The following RANGAP1 variants were observed in gnomAD, a reference collection of about 807,000 sequenced individuals.
The protein encoded by RANGAP1 is ran GTPase-activating protein 1.
A neutral mutation model predicts 63.5 loss-of-function variants in RANGAP1; 38 were observed. The observed-to-expected ratio is 0.60, with a 90% CI of 0.46 to 0.78. The LOEUF (loss-of-function observed/expected upper bound fraction) is 0.78, where lower values mean the gene tolerates loss of function less well. Among genes scored for constraint, RANGAP1 ranks in the 30% least tolerant of loss-of-function variants. The pLI, the probability that RANGAP1 is intolerant of heterozygous loss-of-function variation, is 0.00. For missense variants in RANGAP1, 630 were observed against 740.3 expected, an observed-to-expected ratio of 0.85 and a Z score of 1.73; for synonymous variants, 329 against 310.5, an observed-to-expected ratio of 1.06 and a Z score of -0.63.
chr22:41,284,919 G>C (rs899459688), intron 1 of RANGAP1: 1 of 152,188 alleles, frequency 6.6e-6, no homozygotes, highest in African/African-American at 2.4e-5. Flanking sequence ...CCAACATTTT[G>C]GGAGGCTAGG....
At chr22:41,296,448 A>G in the RANGAP1 span, among the ~76,000 whole-genome samples, 1 of 152,048 alleles carries the variant, frequency 6.6e-6, no homozygotes, top group African/African-American at 2.4e-5. Flanking sequence ...GGAGTTCAAG[A>G]CCAGTCTGGC....
In RANGAP1 at chr22:41,247,559, C is replaced by T. The variant is rs555744248; in HGVS notation, c.1695-887G>A. Among the ~76,000 whole-genome samples the T allele has an allele frequency of 2.6e-5, 4 of 152,296 alleles. No homozygotes were observed. In the South Asian group the frequency reaches 8.3e-4, roughly 32 times the overall value. On this transcript the variant is annotated intron_variant, in intron 15 of 15. Coordinates refer to ENST00000356244, the MANE Select transcript of RANGAP1 (RefSeq NM_002883.4). Reference sequence around the variant, plus strand: ...AGAGATGGGGTTTCACGAATGTTGCCCAGGCTGGCCTTGAACTCCCGGGCT... The same window carrying T: ...AGAGATGGGGTTTCACGAATGTTGCTCAGGCTGGCCTTGAACTCCCGGGCT...
At chr22:41,289,063 C>CA (rs1335767762), upstream of RANGAP1, among the ~76,000 whole-genome samples, 1 of 151,386 alleles carries the variant, frequency 6.6e-6, no homozygotes, top group Non-Finnish European at 1.5e-5. Flanking sequence ...GCTGGGACTA[C>CA]AGGTGCACGC....
At chr22:41,300,043 G>A in the RANGAP1 span, among the ~76,000 whole-genome samples, 1 of 151,348 alleles carries the variant, frequency 6.6e-6, no homozygotes, top group South Asian at 2.1e-4. Flanking sequence ...GAGCTACCGC[G>A]CCCGGCCTCC....
At chr22:41,299,668 G>T in the RANGAP1 span, among the ~76,000 whole-genome samples, 2 of 152,282 alleles carry the variant, frequency 1.3e-5, no homozygotes, top group South Asian at 4.1e-4. Context: ...TTAACATGGG[G>T]ACATAGAGCA....
intron 15 of RANGAP1, 126 bp from the exon 16 acceptor site, chr22:41,246,798 G>GC (rs1325337732): frequency 3.8e-5 from 34 of 893,958 alleles, no homozygotes; most frequent in Middle Eastern, 4.5e-4. Flanking sequence ...AGAGACATTA[G>GC]CCCTCTGCCT....
At chr22:41,265,929 G>A (rs1017056460) in intron 4 of RANGAP1, among the ~76,000 whole-genome samples, 8 of 151,476 alleles carry the variant, frequency 5.3e-5, no homozygotes, top group African/African-American at 7.3e-5. Context: ...GTGGCTGGGT[G>A]CGGTGGCTCA....
At chr22:41,249,864 G>T in intron 13 of RANGAP1, 47 bp from the exon 14 acceptor site, 1 of 1,552,490 alleles carries the variant, frequency 6.4e-7, no homozygotes, top group East Asian at 2.2e-5. Flanking sequence ...ATGGCAGAGG[G>T]CTGGGCCAAG....
intron 11 of RANGAP1, 39 bp from the exon 12 acceptor site, chr22:41,253,030 A>C: frequency 7.2e-7 from 1 of 1,393,496 alleles, no homozygotes. Flanking sequence ...AGAATTCCGG[A>C]CCCCAGACTC....
At chr22:41,292,841 C>T in the RANGAP1 span, among the ~76,000 whole-genome samples, 11 of 152,152 alleles carry the variant, frequency 7.2e-5, no homozygotes, top group South Asian at 1.9e-3. Flanking sequence ...CAGTGGCTCA[C>T]GCCTGTATTC....
chr22:41,279,016 G>A (rs754900106), intron 2 of RANGAP1, among the ~76,000 whole-genome samples: 9 of 152,180 alleles, frequency 5.9e-5, no homozygotes, highest in African/African-American at 1.9e-4. Context: ...GGTGGCGGGC[G>A]CCTGTAGTCC....
At chr22:41,250,481 A>C (rs563401141) in intron 13 of RANGAP1, among the ~76,000 whole-genome samples, 1 of 152,312 alleles carries the variant, frequency 6.6e-6, no homozygotes, top group Admixed American at 6.5e-5. Context: ...AAGCACATGG[A>C]AACAGGGTGG....
chr22:41,298,125 T>A, the RANGAP1 span, among the ~76,000 whole-genome samples: 8 of 151,978 alleles, frequency 5.3e-5, no homozygotes, highest in Non-Finnish European at 8.8e-5. Flanking sequence ...CCCAAAGTGC[T>A]GGGATTACAG....
rs929470579 is a variant in RANGAP1, at chr22:41,257,393, C to T, written c.774+555G>A. On this transcript the variant is annotated intron_variant, in intron 7 of 15. Coordinates refer to ENST00000356244, the MANE Select transcript of RANGAP1 (RefSeq NM_002883.4). The surrounding 1 kb of genome is among the most constrained non-coding windows in gnomAD (Gnocchi z 4.0). ...GCTAGGGTCTCCCTGAAGGCGGGGTCTTTGGCTCAACCCCATGTGGCCTGC... is the reference window on the plus strand; with the variant it reads ...GCTAGGGTCTCCCTGAAGGCGGGGTTTTTGGCTCAACCCCATGTGGCCTGC... Among the ~76,000 whole-genome samples, 3 of 152,152 alleles carry T rather than the reference C, an allele frequency of 2.0e-5. No individual in the cohort carries two copies. The highest frequency in any genetic ancestry group is 4.4e-5 in the Non-Finnish European group (3 of 68,024).
chr22:41,260,716 G>A (rs1016568336), intron 6 of RANGAP1, among the ~76,000 whole-genome samples: 8 of 152,134 alleles, frequency 5.3e-5, no homozygotes, highest in African/African-American at 1.7e-4. Context: ...GTGTGGTGGC[G>A]GGTGCCCGTA....
the RANGAP1 span, among the ~76,000 whole-genome samples, chr22:41,292,893 C>T: frequency 6.6e-6 from 1 of 151,940 alleles, no homozygotes; most frequent in African/African-American, 2.4e-5. Flanking sequence ...TGCTTGAGCC[C>T]AGGAGTTCCA....
intron 1 of RANGAP1, chr22:41,285,170 A>C: frequency 6.6e-6 from 1 of 152,204 alleles, no homozygotes; most frequent in East Asian, 1.9e-4. Context: ...AGATAAAAAA[A>C]TTTAAAGAAA....
At chr22:41,288,216 T>C (rs1046686697), upstream of RANGAP1, among the ~76,000 whole-genome samples, 4 of 152,132 alleles carry the variant, frequency 2.6e-5, no homozygotes, top group Admixed American at 1.3e-4. Flanking sequence ...ACAAGGCCCA[T>C]GTCAAATGCT....
chr22:41,256,973 G>T, intron 7 of RANGAP1, 149 bp from the exon 8 acceptor site: 1 of 634,970 alleles, frequency 1.6e-6, no homozygotes. Context: ...TCTTCTACTT[G>T]TTGGCCTCTG....
Sources: allele counts gnomAD v4.1 joint callset (sites outside exome capture counted in the v4.1 genomes callset), GRCh38; gene constraint gnomAD v4.1.1; non-coding constraint Gnocchi (gnomAD v3.1); transcripts MANE v1.5; gene names NCBI Gene and HGNC (gene_info 2026-07-23, HGNC 2026-07-21).